SYCP2: variants seen among roughly 807,000 people sequenced by gnomAD.
The protein encoded by SYCP2 is synaptonemal complex protein 2.
Under a neutral mutation model 211.3 loss-of-function variants are expected in SYCP2, and 55 were observed. The ratio of observed to expected loss-of-function variants is 0.26; its 90% CI spans 0.21 to 0.33. The LOEUF is 0.33. SYCP2 is among the 10% of genes least tolerant of loss of function. The pLI, the probability that SYCP2 is intolerant of heterozygous loss-of-function variation, is 1.00. For synonymous variants in SYCP2, 570 were observed against 555.2 expected (o/e 1.03, Z -0.37); for missense variants, 1,731 against 1,752.0 (o/e 0.99, Z 0.21).
At chr20:59,884,504 AG>A (rs1188420431) in intron 26 of SYCP2, among the ~76,000 whole-genome samples, 3 of 152,130 alleles carry the variant, frequency 2.0e-5, no homozygotes, top group South Asian at 4.1e-4. Flanking sequence ...TTAGTAAGTT[AG>A]AAATATTAAA....
chr20:59,903,659 G>A (rs1475388090), intron 15 of SYCP2, among the ~76,000 whole-genome samples: 2 of 152,106 alleles, frequency 1.3e-5, no homozygotes, highest in East Asian at 3.8e-4. Context: ...GTTTGGAGAC[G>A]GAGGGTCAAA....
chr20:59,904,606 T>C (rs2060180129), intron 15 of SYCP2, among the ~76,000 whole-genome samples: 2 of 152,172 alleles, frequency 1.3e-5, no homozygotes, highest in Admixed American at 1.3e-4. Context: ...TTATCTATCA[T>C]AAAATTACTT....
intron 2 of SYCP2, among the ~76,000 whole-genome samples, chr20:59,930,362 T>C (rs1478698514): frequency 6.6e-6 from 1 of 152,246 alleles, no homozygotes; most frequent in Non-Finnish European, 1.5e-5. Context: ...TAGTCTCTGC[T>C]TCAGAACAAA....
At chr20:59,871,304 CAG>C (rs954960845) in intron 35 of SYCP2, among the ~76,000 whole-genome samples, 2 of 151,834 alleles carry the variant, frequency 1.3e-5, no homozygotes, top group African/African-American at 4.8e-5. Flanking sequence ...CTGGCAAAAA[CAG>C]AAACAACTGA....
chr20:59,919,132 C>A, intron 7 of SYCP2, 26 bp downstream of exon 7: 1 of 1,188,432 alleles, frequency 8.4e-7, no homozygotes, highest in Non-Finnish European at 1.2e-6. Flanking sequence ...TTTATTGTTC[C>A]AATAGAAAAT....
intron 18 of SYCP2, among the ~76,000 whole-genome samples, chr20:59,899,403 G>A (rs977029348): frequency 1.8e-4 from 27 of 152,194 alleles, no homozygotes; most frequent in African/African-American, 6.3e-4. Flanking sequence ...AGAAAAACAA[G>A]TAGAGATGCA....
chr20:59,932,004 G>C (rs1183449299), intron 2 of SYCP2, 58 bp downstream of exon 2: 3 of 152,184 alleles, frequency 2.0e-5, no homozygotes, highest in African/African-American at 7.2e-5. Context: ...CTATGTAACA[G>C]AACGACTTCG....
chr20:59,886,923 G>T, intron 24 of SYCP2, 89 bp from the exon 25 acceptor site: 3 of 1,038,360 alleles, frequency 2.9e-6, no homozygotes, highest in Admixed American at 3.2e-5. Flanking sequence ...AGATAAATCT[G>T]GTTCTATTTA....
chr20:59,882,756 G>A (rs1292021024), intron 26 of SYCP2, among the ~76,000 whole-genome samples: 1 of 151,974 alleles, frequency 6.6e-6, no homozygotes, highest in East Asian at 1.9e-4. Flanking sequence ...AGCGTAGAAC[G>A]GTGATTATCA....
intron 24 of SYCP2, among the ~76,000 whole-genome samples, chr20:59,887,511 C>G (rs966365065): frequency 1.3e-5 from 2 of 151,878 alleles, no homozygotes; most frequent in African/African-American, 4.8e-5. Context: ...GGGTATATAC[C>G]CAGTAATGGG....
Position 59,866,405 on chromosome 20 carries a change from C to G in SYCP2, c.4221-13G>C. 1 of 1,561,560 alleles carries G rather than the reference C, an allele frequency of 6.4e-7. No individual in the cohort carries two copies. Among genetic ancestry groups the G allele is most frequent in the Admixed American group, 1.9e-5 (1 of 53,872 alleles). ...AAGTTTTTTAATCCTATTACAGAAA[C>G]AAAATGAGATTAATTTTAAAAACTG... On this transcript the variant is annotated splice_polypyrimidine_tract_variant and intron_variant, in intron 40 of 44. Coordinates refer to ENST00000357552, the MANE Select transcript of SYCP2 (RefSeq NM_014258.4).
chr20:59,920,512 A>G, intron 4 of SYCP2, 25 bp from the exon 5 acceptor site: 1 of 1,540,998 alleles, frequency 6.5e-7, no homozygotes, highest in South Asian at 1.2e-5. Flanking sequence ...ATACATTAAA[A>G]TTTCTGTAAA....
chr20:59,891,352 A>G (rs549634346), intron 24 of SYCP2, among the ~76,000 whole-genome samples: 3 of 152,142 alleles, frequency 2.0e-5, no homozygotes, highest in South Asian at 4.1e-4. Context: ...CAAAAAAGTA[A>G]TATTTTCTTC....
intron 12 of SYCP2, among the ~76,000 whole-genome samples, chr20:59,913,690 A>C (rs980255992): frequency 6.6e-6 from 1 of 152,120 alleles, no homozygotes; most frequent in African/African-American, 2.4e-5. Flanking sequence ...TAGTAAGCCA[A>C]TTTTGAACAT....
intron 10 of SYCP2, among the ~76,000 whole-genome samples, 174 bp downstream of exon 10, chr20:59,914,991 A>AC (rs1424074376): frequency 2.6e-5 from 4 of 152,058 alleles, no homozygotes; most frequent in Non-Finnish European, 5.9e-5. Flanking sequence ...CTACTGTCAT[A>AC]AATTATTTTT....
intron 31 of SYCP2, among the ~76,000 whole-genome samples, chr20:59,879,836 T>C (rs945446220): frequency 2.3e-5 from 2 of 88,170 alleles, no homozygotes; most frequent in African/African-American, 1.1e-4. Context: ...TATATATATA[T>C]ATATATATAT....
chr20:59,932,736 GC>G lies in SYCP2; in HGVS notation c.-139-583del, dbSNP rs1160841806. Reference sequence around the variant, plus strand: ...TTCGCAGATGCTCGGCCAGCCTGGAGCCCGGTCCAGAAAAGGCCGCACGTGG... The same window carrying G: ...TTCGCAGATGCTCGGCCAGCCTGGAGCCGGTCCAGAAAAGGCCGCACGTGG... On this transcript the variant is annotated intron_variant, in intron 1 of 44. Coordinates refer to ENST00000357552, the MANE Select transcript of SYCP2 (RefSeq NM_014258.4). 2.0e-4 allele frequency among the ~76,000 whole-genome samples: 30 copies of G among 152,136 alleles called. 1 individual carries two copies. Among genetic ancestry groups the G allele is most frequent in the Admixed American group, 1.8e-3 (27 of 15,288 alleles).
rs1340919208 is a variant in SYCP2, at chr20:59,912,414, A to G, written c.835T>C (p.Phe279Leu). 9.4e-7 allele frequency: 1 copy of G among 1,068,912 alleles called. No individual in the cohort carries two copies. Among genetic ancestry groups the G allele is most frequent in the East Asian group, 2.8e-5 (1 of 35,894 alleles). 66.2% of individuals were successfully genotyped at this position (1,068,912 alleles called of 1,614,324 possible). ...NGMLGDKRRV[F>L]TFPCLSAFLD... Reference sequence around the variant, plus strand: ...AATGCTGATAAACAAGGAAATGTAAAGACCCTGAAATAAAAAGTAGTTTAA... The same window carrying G: ...AATGCTGATAAACAAGGAAATGTAAGGACCCTGAAATAAAAAGTAGTTTAA... The change falls in exon 13 of 45, where the codon TTT (phenylalanine) becomes CTT (leucine). Residue 279 changes from phenylalanine to leucine, a missense_variant. Phe to Leu is a conservative substitution (Grantham distance 22). Coordinates refer to ENST00000357552, the MANE Select transcript of SYCP2 (RefSeq NM_014258.4).
At chr20:59,920,933 A>G (rs2060530007) in intron 4 of SYCP2, among the ~76,000 whole-genome samples, 1 of 151,564 alleles carries the variant, frequency 6.6e-6, no homozygotes, top group Admixed American at 6.6e-5. Flanking sequence ...TGATTTTTCT[A>G]TGTTTTAGTT....
Sources: allele counts gnomAD v4.1 joint callset (sites outside exome capture counted in the v4.1 genomes callset), GRCh38; gene constraint gnomAD v4.1.1; transcripts MANE v1.5; gene names NCBI Gene and HGNC (gene_info 2026-07-23, HGNC 2026-07-21).